The following CD200R1 variants were observed in gnomAD, a reference collection of about 807,000 sequenced individuals.
The protein encoded by CD200R1 is CD200 receptor 1.
A neutral mutation model predicts 38.1 loss-of-function variants in CD200R1; 30 were observed. The observed-to-expected ratio is 0.79, with a 90% CI of 0.59 to 1.07. The LOEUF is 1.07. Ranked by LOEUF, CD200R1 falls within the 50% of genes least tolerant of loss-of-function variation. The pLI is 0.00. For missense variants in CD200R1, 372 were observed against 415.4 expected, an observed-to-expected ratio of 0.90 and a Z score of 0.91; for synonymous variants, 128 against 152.1, an observed-to-expected ratio of 0.84 and a Z score of 1.16.
chr3:112,966,071 T>A (rs1576154849), intron 1 of CD200R1, among the ~76,000 whole-genome samples: 1 of 152,196 alleles, frequency 6.6e-6, no homozygotes. Context: ...GCAGCTTGAA[T>A]GAGGCAAGGT....
intron 1 of CD200R1, among the ~76,000 whole-genome samples, chr3:112,958,356 G>C (rs1941147988): frequency 6.6e-6 from 1 of 152,070 alleles, no homozygotes; most frequent in African/African-American, 2.4e-5. Context: ...TCTACTAATT[G>C]AAAGTACAAG....
chr3:112,962,739 G>A (rs997896418), intron 1 of CD200R1, among the ~76,000 whole-genome samples: 2 of 152,184 alleles, frequency 1.3e-5, no homozygotes, highest in African/African-American at 4.8e-5. Flanking sequence ...TAACCCATGA[G>A]CTGCCAAATT....
intron 1 of CD200R1, among the ~76,000 whole-genome samples, chr3:112,972,758 G>T (rs894853933): frequency 1.3e-5 from 2 of 152,200 alleles, no homozygotes; most frequent in African/African-American, 4.8e-5. Flanking sequence ...GAAACCAAAT[G>T]AATACTATGT....
intron 2 of CD200R1, among the ~76,000 whole-genome samples, chr3:112,937,159 C>A (rs1321904086): frequency 6.6e-6 from 1 of 152,086 alleles, no homozygotes; most frequent in Non-Finnish European, 1.5e-5. Context: ...TCCTTTTTCA[C>A]ATGGCAGCAG....
At chr3:112,937,383 G>T (rs184208449) in intron 2 of CD200R1, among the ~76,000 whole-genome samples, 9 of 151,934 alleles carry the variant, frequency 5.9e-5, no homozygotes, top group Admixed American at 2.6e-4. Context: ...ATATCAGAAG[G>T]GGTCCACTTT....
chr3:112,972,147 A>G (rs1310121372), intron 1 of CD200R1, among the ~76,000 whole-genome samples: 1 of 152,250 alleles, frequency 6.6e-6, no homozygotes, highest in Non-Finnish European at 1.5e-5. Context: ...TTGCTTAAGC[A>G]TGAACATTTA....
intron 1 of CD200R1, among the ~76,000 whole-genome samples, chr3:112,969,444 G>A (rs1933247390): frequency 6.6e-6 from 1 of 152,204 alleles, no homozygotes; most frequent in African/African-American, 2.4e-5. Flanking sequence ...GGAATTAAGA[G>A]TATTAGAAAT....
At position 112,967,969 on chromosome 3, in the gene CD200R1, T is replaced by C. The variant is rs574141918; in HGVS notation, c.67+6822A>G. On this transcript the variant is annotated intron_variant, in intron 1 of 7. Coordinates refer to ENST00000308611, the MANE Select transcript of CD200R1 (RefSeq NM_138806.4). ...TTTGAAGGTTCCTAAAGTACTTCCT[T>C]TGTGAAGGCTTTATACTTCTTAATA... Among the ~76,000 whole-genome samples, 3 of 152,342 alleles carry C rather than the reference T, an allele frequency of 2.0e-5. No homozygotes were observed. In the South Asian group the frequency reaches 6.2e-4, roughly 32 times the overall value.
At chr3:112,960,680 T>C (rs1176697921) in intron 1 of CD200R1, among the ~76,000 whole-genome samples, 1 of 151,998 alleles carries the variant, frequency 6.6e-6, no homozygotes, top group Non-Finnish European at 1.5e-5. Flanking sequence ...AGGGAGTAAC[T>C]ATACCTCAAA....
intron 1 of CD200R1, 136 bp from the exon 2 acceptor site, chr3:112,948,060 A>G: frequency 1.5e-6 from 1 of 663,242 alleles, no homozygotes; most frequent in Non-Finnish European, 2.7e-6. Flanking sequence ...CTAAATTATG[A>G]CAGCCAAGCA....
chr3:112,927,750 G>A (rs866983609), intron 5 of CD200R1, among the ~76,000 whole-genome samples: 1 of 152,068 alleles, frequency 6.6e-6, no homozygotes, highest in African/African-American at 2.4e-5. Flanking sequence ...AGAAAAAATA[G>A]AACTAACAGA....
At position 112,924,541 on chromosome 3, in the gene CD200R1, A is replaced by G; in HGVS notation, c.879-6T>C. On this transcript the variant is annotated splice_region_variant and splice_polypyrimidine_tract_variant and intron_variant, in intron 6 of 7. Transcript: ENST00000308611. ...TTTTATTCAATTTATATTTTCTATA[A>G]AAATAAAATAAATTGAAGTGAATGG... 8.3e-7 allele frequency: 1 copy of G among 1,208,586 alleles called. No homozygotes were observed. The highest frequency in any genetic ancestry group is 2.3e-5 in the South Asian group (1 of 43,156). 74.9% of individuals were successfully genotyped at this position (1,208,586 alleles called of 1,614,324 possible). A position where few individuals can be genotyped will look rare whatever the true frequency, so the allele number is the denominator to read the frequency against.
intron 1 of CD200R1, among the ~76,000 whole-genome samples, chr3:112,948,612 C>T (rs1031134564): frequency 4.6e-5 from 7 of 152,162 alleles, no homozygotes; most frequent in Non-Finnish European, 8.8e-5. Flanking sequence ...GAGCTCAGGC[C>T]GCAATTCTCA....
At chr3:112,928,546 T>G (rs934288204) in intron 5 of CD200R1, among the ~76,000 whole-genome samples, 3 of 151,798 alleles carry the variant, frequency 2.0e-5, no homozygotes, top group Admixed American at 2.0e-4. Context: ...ATAAGTATTA[T>G]TTTTAAAAGT....
chr3:112,956,436 C>T (rs1050784070), intron 1 of CD200R1, among the ~76,000 whole-genome samples: 1 of 151,770 alleles, frequency 6.6e-6, no homozygotes, highest in East Asian at 1.9e-4. Flanking sequence ...AATTGTTTCT[C>T]TGTGTTTTCT....
At chr3:112,952,653 G>T (rs539087242) in intron 1 of CD200R1, among the ~76,000 whole-genome samples, 103 of 152,226 alleles carry the variant, frequency 6.8e-4, no homozygotes, top group South Asian at 8.3e-4. Context: ...GGAGGAGGGG[G>T]GAGGGATAGC....
chr3:112,953,537 A>G (rs1274113950), intron 1 of CD200R1, among the ~76,000 whole-genome samples: 1 of 152,168 alleles, frequency 6.6e-6, no homozygotes, highest in Non-Finnish European at 1.5e-5. Flanking sequence ...GTTCTTCTTT[A>G]CATGCTTGGT....
intron 2 of CD200R1, among the ~76,000 whole-genome samples, chr3:112,941,888 C>A (rs567359318): frequency 1.1e-4 from 16 of 151,650 alleles, no homozygotes; most frequent in African/African-American, 3.9e-4. Flanking sequence ...TTATACCCAA[C>A]TTCTCCTCAG....
rs778217555 is a variant in CD200R1, at chr3:112,925,222, T to C, written c.770-29A>G. On this transcript the variant is annotated intron_variant, in intron 5 of 7. Transcript: ENST00000308611. ...TAGACACAAAAATATATGGTTCAAATGTGGTACAATCCAAATAATGTACTA... is the reference window on the plus strand; with the variant it reads ...TAGACACAAAAATATATGGTTCAAACGTGGTACAATCCAAATAATGTACTA... 3.7e-6 allele frequency: 4 copies of C among 1,066,960 alleles called. No individual in the cohort carries two copies. The South Asian group carries it at 5.3e-5, about 14-fold the overall frequency. 66.1% of individuals were successfully genotyped at this position (1,066,960 alleles called of 1,614,324 possible).
Sources: gnomAD v4.1 joint callset for allele counts (sites outside exome capture counted in the v4.1 genomes callset) on GRCh38, gnomAD v4.1.1 for gene constraint, MANE v1.5 for transcripts, NCBI Gene and HGNC (gene_info 2026-07-23, HGNC 2026-07-21) for gene names.